MEP1A: variants seen among roughly 807,000 people sequenced by gnomAD.
MEP1A encodes meprin A subunit alpha.
MEP1A carries 68 observed loss-of-function variants against 84.5 expected under a neutral mutation model. That is an observed-to-expected ratio of 0.80 (90% CI 0.66 to 0.98). The LOEUF is 0.98. MEP1A is among the 50% of genes least tolerant of loss of function. MEP1A has a pLI of 0.00. For synonymous variants in MEP1A, 337 were observed against 336.8 expected (o/e 1.00, Z -0.01); for missense variants, 887 against 919.9 (o/e 0.96, Z 0.46).
At position 46,825,477 on chromosome 6, in the gene MEP1A, C is replaced by A. The variant is rs2150752950; in HGVS notation, c.762C>A (p.Asn254Lys). ...DFSAIDLERL[N>K]RMYNCTTTHT... ...GTGCCATTGATTTAGAGAGGCTGAA[C>A]CGAATGTACAATTGCAGTGAGTATC... The change falls in exon 8 of 14, where the codon AAC (asparagine) becomes AAA (lysine). Residue 254 changes from asparagine to lysine, a missense_variant. Asn to Lys is a moderately conservative substitution (Grantham distance 94). Coordinates refer to ENST00000230588, the MANE Select transcript of MEP1A (RefSeq NM_005588.3). 1 of 1,611,180 alleles carries A rather than the reference C, an allele frequency of 6.2e-7. No homozygotes were observed. The highest frequency in any genetic ancestry group is 1.1e-5 in the South Asian group (1 of 90,820).
intron 7 of MEP1A, among the ~76,000 whole-genome samples, chr6:46,821,603 T>G (rs565018090): frequency 5.5e-4 from 84 of 152,338 alleles, no homozygotes; most frequent in Admixed American, 4.6e-4. Context: ...TTCCTGTACA[T>G]ATACTGGGCT....
At chr6:46,827,745 T>G (rs139309367) in intron 9 of MEP1A, among the ~76,000 whole-genome samples, 1,845 of 152,326 alleles carry the variant, frequency 0.012, 44 homozygotes, top group African/African-American at 0.042. Flanking sequence ...GATCCAAGCC[T>G]GAAGTGCTCT....
At chr6:46,828,597 C>A (rs899463726) in intron 9 of MEP1A, among the ~76,000 whole-genome samples, 1 of 152,136 alleles carries the variant, frequency 6.6e-6, no homozygotes, top group African/African-American at 2.4e-5. Context: ...TCTTCATATG[C>A]AAGAATTTTT....
downstream of MEP1A, among the ~76,000 whole-genome samples, chr6:46,841,440 A>G (rs1768329616): frequency 6.6e-6 from 1 of 152,172 alleles, no homozygotes; most frequent in African/African-American, 2.4e-5. Context: ...ACTAGCAGAT[A>G]CTTTATTCTT....
intron 5 of MEP1A, among the ~76,000 whole-genome samples, chr6:46,805,818 A>C (rs766184765): frequency 6.6e-6 from 1 of 151,990 alleles, no homozygotes; most frequent in Non-Finnish European, 1.5e-5. Flanking sequence ...TAAATAACCA[A>C]ATCTGAAAAA....
intron 13 of MEP1A, among the ~76,000 whole-genome samples, chr6:46,838,582 A>G (rs2150759605): frequency 6.6e-6 from 1 of 152,268 alleles, no homozygotes; most frequent in African/African-American, 2.4e-5. Context: ...TTTCCTTTGT[A>G]GCTTATATTC....
intron 5 of MEP1A, among the ~76,000 whole-genome samples, chr6:46,799,470 G>C (rs1054280964): frequency 6.6e-6 from 1 of 152,174 alleles, no homozygotes; most frequent in East Asian, 1.9e-4. Context: ...AATATAATTT[G>C]CATCAGAACA....
rs114029442 is a variant in MEP1A, at chr6:46,798,333, T to G, written c.146-273T>G. On this transcript the variant is annotated intron_variant, in intron 3 of 13. Coordinates refer to ENST00000230588, the MANE Select transcript of MEP1A (RefSeq NM_005588.3). ...CGAATCCCTTTTTTATAATCAGTGA[T>G]CAGTAAAATCCCTTCTAACTTATGT... is the stretch of plus-strand genomic sequence containing the variant. 3.1e-3 allele frequency among the ~76,000 whole-genome samples: 474 copies of G among 152,234 alleles called. 1 individual carries two copies. The highest frequency in any genetic ancestry group is 0.011 in the African/African-American group (448 of 41,556).
At chr6:46,843,256 C>T (rs565872416), downstream of MEP1A, among the ~76,000 whole-genome samples, 2 of 152,172 alleles carry the variant, frequency 1.3e-5, no homozygotes, top group Non-Finnish European at 2.9e-5. Flanking sequence ...ATCTCTAGGA[C>T]ATTGACAAAT....
At chr6:46,802,509 G>A (rs1279165033) in intron 5 of MEP1A, among the ~76,000 whole-genome samples, 1 of 151,568 alleles carries the variant, frequency 6.6e-6, no homozygotes, top group Non-Finnish European at 1.5e-5. Context: ...AATTCTTCTT[G>A]CCTTTTAATA....
chr6:46,814,583 G>A lies in MEP1A; in HGVS notation c.381-4946G>A, dbSNP rs1470128661. ...TTTTGTCTTCATTTGGCTCCATTGCGGTGCACTGACATGATCTTTTGGCAG... is the reference window on the plus strand; with the variant it reads ...TTTTGTCTTCATTTGGCTCCATTGCAGTGCACTGACATGATCTTTTGGCAG... On this transcript the variant is annotated intron_variant, in intron 6 of 13. Transcript: ENST00000230588. 3.3e-5 allele frequency among the ~76,000 whole-genome samples: 5 copies of A among 151,984 alleles called. No individual in the cohort carries two copies. In the South Asian group the frequency reaches 8.3e-4, roughly 25 times the overall value.
At position 46,799,161 on chromosome 6, in the gene MEP1A, A is replaced by C. The variant is rs1767136535; in HGVS notation, c.242A>C (p.Tyr81Ser). ...ACCAGGTGGACGTTCCCCATTCCTTACATCTTGGCTGATAATTTGGGTAAT... is the reference window on the plus strand; with the variant it reads ...ACCAGGTGGACGTTCCCCATTCCTTCCATCTTGGCTGATAATTTGGGTAAT... ...PNTRWTFPIP[Y>S]ILADNLGLNA... The change falls in exon 5 of 14, where the codon TAC (tyrosine) becomes TCC (serine). Residue 81 changes from tyrosine (Y) to serine (S), a missense_variant. By Grantham distance (144) the Tyr-to-Ser change is moderately radical. Coordinates refer to ENST00000230588, the MANE Select transcript of MEP1A (RefSeq NM_005588.3). 2 of 1,610,832 alleles carry C rather than the reference A, an allele frequency of 1.2e-6. No homozygotes were observed. Among genetic ancestry groups the C allele is most frequent in the Non-Finnish European group, 1.7e-6 (2 of 1,177,144 alleles).
At chr6:46,809,745 G>C (rs957235076) in intron 6 of MEP1A, among the ~76,000 whole-genome samples, 6 of 151,852 alleles carry the variant, frequency 4.0e-5, no homozygotes, top group Non-Finnish European at 8.8e-5. Flanking sequence ...ACTCCATCCA[G>C]GTTGCTGTGA....
chr6:46,799,877 C>A (rs986180742), intron 5 of MEP1A, among the ~76,000 whole-genome samples: 4 of 152,104 alleles, frequency 2.6e-5, no homozygotes, highest in Non-Finnish European at 4.4e-5. Context: ...TCTGCAAGGC[C>A]CCTCCTGCTT....
intron 11 of MEP1A, among the ~76,000 whole-genome samples, chr6:46,833,937 T>C (rs1347204464): frequency 6.6e-6 from 1 of 152,202 alleles, no homozygotes; most frequent in Non-Finnish European, 1.5e-5. Context: ...TGTTACTATG[T>C]TCATGAAGTA....
At chr6:46,804,684 T>A (rs954002179) in intron 5 of MEP1A, among the ~76,000 whole-genome samples, 1 of 151,596 alleles carries the variant, frequency 6.6e-6, no homozygotes, top group African/African-American at 2.4e-5. Context: ...ATTCAATGAG[T>A]TCTTAAAGAT....
At chr6:46,799,319 G>C in intron 5 of MEP1A, 138 bp downstream of exon 5, 1 of 632,634 alleles carries the variant, frequency 1.6e-6, no homozygotes, top group Non-Finnish European at 2.8e-6. Flanking sequence ...TATCTAATGG[G>C]GAGAAAGACA....
intron 7 of MEP1A, among the ~76,000 whole-genome samples, chr6:46,822,939 G>T (rs1430776262): frequency 6.6e-6 from 1 of 152,148 alleles, no homozygotes; most frequent in African/African-American, 2.4e-5. Context: ...CCAAGAGATT[G>T]TAGACTCTTA....
chr6:46,826,387 T>C lies in MEP1A; in HGVS notation c.812T>C (p.Phe271Ser), dbSNP rs1487391716. ...TTHTLLDHCTFEKANICGMIQ... is the reference protein window; with the variant it reads ...TTHTLLDHCTSEKANICGMIQ... ...CACACTCTTTTGGACCACTGTACTT[T>C]TGAGAAGGCAAACATCTGTGGAATG... Residue 271 changes from phenylalanine (F) to serine (S), a missense_variant, in exon 9 of 14, where the codon TTT becomes TCT. By Grantham distance (155) the Phe-to-Ser change is radical. Transcript: ENST00000230588. 6.2e-7 allele frequency: 1 copy of C among 1,609,724 alleles called. No homozygotes were observed. Among genetic ancestry groups the C allele is most frequent in the Non-Finnish European group, 8.5e-7 (1 of 1,177,926 alleles).
Sources: gnomAD v4.1 joint callset for allele counts (sites outside exome capture counted in the v4.1 genomes callset) on GRCh38, gnomAD v4.1.1 for gene constraint, MANE v1.5 for transcripts, NCBI Gene and HGNC (gene_info 2026-07-23, HGNC 2026-07-21) for gene names.